The following UNC13C variants were observed in gnomAD, a reference collection of about 807,000 sequenced individuals.
The protein encoded by UNC13C is protein unc-13 homolog C.
A neutral mutation model predicts 245.4 loss-of-function variants in UNC13C; 174 were observed. The ratio of observed to expected loss-of-function variants is 0.71; its 90% confidence interval spans 0.63 to 0.80. The LOEUF (loss-of-function observed/expected upper bound fraction) is 0.80. Among genes scored for constraint, UNC13C ranks in the 30% least tolerant of loss-of-function variants. UNC13C has a pLI of 0.00. For synonymous variants in UNC13C, 992 were observed against 895.1 expected (o/e 1.11, Z -1.93); for missense variants, 2,829 against 2,602.9 (o/e 1.09, Z -1.89).
chr15:53,924,226 A>C, the UNC13C span, among the ~76,000 whole-genome samples: 9 of 145,178 alleles, frequency 6.2e-5, no homozygotes, highest in African/African-American at 2.2e-4. Context: ...AAACAAACAA[A>C]CAAAAAACAA....
At chr15:54,186,602 A>T (rs2033991649) in intron 4 of UNC13C, among the ~76,000 whole-genome samples, 1 of 151,968 alleles carries the variant, frequency 6.6e-6, no homozygotes, top group Non-Finnish European at 1.5e-5. Context: ...TATTATTTTA[A>T]TATTATAACA....
intron 19 of UNC13C, among the ~76,000 whole-genome samples, chr15:54,472,396 G>A (rs1018691362): frequency 6.6e-6 from 1 of 151,728 alleles, no homozygotes; most frequent in African/African-American, 2.4e-5. Context: ...CCATTGTTAT[G>A]TCAGTTTTAT....
intron 10 of UNC13C, among the ~76,000 whole-genome samples, chr15:54,286,078 A>G (rs777507352): frequency 3.3e-5 from 5 of 152,042 alleles, no homozygotes; most frequent in Non-Finnish European, 5.9e-5. Context: ...ACAGGGTTTC[A>G]CCATTTTGGC....
At chr15:54,584,646 T>C (rs1376738973) in intron 30 of UNC13C, among the ~76,000 whole-genome samples, 4 of 152,250 alleles carry the variant, frequency 2.6e-5, no homozygotes, top group African/African-American at 9.6e-5. Flanking sequence ...ATTTGGAAAC[T>C]AGCTGGTAAG....
chr15:54,276,493 C>G (rs970636038), intron 10 of UNC13C, among the ~76,000 whole-genome samples: 1 of 152,062 alleles, frequency 6.6e-6, no homozygotes, highest in African/African-American at 2.4e-5. Context: ...TGTGGTCTGG[C>G]ATTAATGGTT....
intron 16 of UNC13C, among the ~76,000 whole-genome samples, 189 bp downstream of exon 16, chr15:54,334,045 C>T (rs1344195678): frequency 1.3e-5 from 2 of 152,060 alleles, no homozygotes; most frequent in Admixed American, 6.6e-5. Flanking sequence ...ATCCTAGACA[C>T]TTAAAATACT....
At chr15:54,032,938 G>A (rs1390324223) in intron 2 of UNC13C, among the ~76,000 whole-genome samples, 1 of 152,178 alleles carries the variant, frequency 6.6e-6, no homozygotes, top group Non-Finnish European at 1.5e-5. Flanking sequence ...AATCTATGAG[G>A]AAGGAAAGGC....
chr15:54,133,761 T>A (rs1236763018), intron 2 of UNC13C, among the ~76,000 whole-genome samples: 1 of 152,182 alleles, frequency 6.6e-6, no homozygotes, highest in East Asian at 1.9e-4. Flanking sequence ...TATGTGTGTG[T>A]ATTTACTATA....
chr15:54,526,740 G>GAAAAAAAAAAAAAAAAAAAAA (rs1164016477), intron 25 of UNC13C, among the ~76,000 whole-genome samples: 1 of 63,096 alleles, frequency 1.6e-5, no homozygotes, highest in Non-Finnish European at 3.2e-5. Context: ...ACTCCGTCTA[G>GAAAAAAAAAAAAAAAAAAAAA]AAAAAAAAAA....
intron 30 of UNC13C, among the ~76,000 whole-genome samples, chr15:54,618,107 T>C (rs943595824): frequency 1.3e-5 from 2 of 152,162 alleles, no homozygotes; most frequent in Non-Finnish European, 2.9e-5. Flanking sequence ...TTCCCTCACA[T>C]AGCATACTAA....
intron 13 of UNC13C, chr15:54,321,547 C>T (rs768888402): frequency 6.8e-6 from 3 of 441,454 alleles, no homozygotes; most frequent in Non-Finnish European, 8.9e-6. Context: ...TTCTCATTAC[C>T]ACATAGCCTG....
chr15:54,209,567 A>C (rs1469639713), intron 4 of UNC13C, among the ~76,000 whole-genome samples: 1 of 151,908 alleles, frequency 6.6e-6, no homozygotes, highest in Non-Finnish European at 1.5e-5. Flanking sequence ...ACAGGCCACC[A>C]TCTCTAGCTA....
chr15:54,091,721 C>T (rs2141137272), intron 2 of UNC13C, among the ~76,000 whole-genome samples: 1 of 148,268 alleles, frequency 6.7e-6, no homozygotes, highest in Non-Finnish European at 1.5e-5. Context: ...AACTAGTGTT[C>T]TTTCTAAAAA....
intron 18 of UNC13C, among the ~76,000 whole-genome samples, chr15:54,396,988 T>A (rs1214656385): frequency 6.6e-6 from 1 of 151,366 alleles, no homozygotes; most frequent in Admixed American, 6.6e-5. Context: ...ATCTTACTAG[T>A]GCCTTCTGAA....
chr15:54,209,412 G>T (rs2034810975), intron 4 of UNC13C, among the ~76,000 whole-genome samples: 2 of 143,278 alleles, frequency 1.4e-5, no homozygotes, highest in East Asian at 2.0e-4. Context: ...TTTTCTTTTT[G>T]GTTTTTTGTT....
chr15:54,318,014 T>G (rs548735567), intron 13 of UNC13C, among the ~76,000 whole-genome samples: 1 of 152,104 alleles, frequency 6.6e-6, no homozygotes, highest in South Asian at 2.1e-4. Context: ...TCTGGCTTAT[T>G]TCACATAATG....
At chr15:54,020,664 T>C (rs924109308) in intron 2 of UNC13C, among the ~76,000 whole-genome samples, 1 of 152,160 alleles carries the variant, frequency 6.6e-6, no homozygotes. Context: ...GAAAAGGCTT[T>C]AGTAATATCT....
intron 11 of UNC13C, among the ~76,000 whole-genome samples, chr15:54,296,394 T>A (rs1233933295): frequency 6.7e-6 from 1 of 149,250 alleles, no homozygotes; most frequent in Non-Finnish European, 1.5e-5. Flanking sequence ...TTTTTTTTTA[T>A]TTTTTAGTGG....
intron 29 of UNC13C, among the ~76,000 whole-genome samples, chr15:54,567,008 A>G (rs1897544163): frequency 6.6e-6 from 1 of 152,120 alleles, no homozygotes; most frequent in African/African-American, 2.4e-5. Flanking sequence ...TATCATTTAT[A>G]AACAGGTAGA....
Sources: allele counts gnomAD v4.1 joint callset (sites outside exome capture counted in the v4.1 genomes callset), GRCh38; gene constraint gnomAD v4.1.1; transcripts MANE v1.5; gene names NCBI Gene and HGNC (gene_info 2026-07-23, HGNC 2026-07-21).